Variants in KLC1 observed in about 807,000 individuals in gnomAD.
KLC1 encodes the protein kinesin light chain 1.
Under a neutral mutation model 84.2 loss-of-function variants are expected in KLC1, and 30 were observed. That is an observed-to-expected ratio of 0.36 (90% CI 0.27 to 0.48). The LOEUF is 0.48. Ranked by LOEUF, KLC1 falls within the 20% of genes least tolerant of loss-of-function variation. The pLI is 0.99. For missense variants in KLC1, 499 were observed against 805.4 expected (o/e 0.62, Z 4.60); for synonymous variants, 289 against 293.3 (o/e 0.99, Z 0.15).
chr14:103,685,868 T>C, intron 13 of KLC1: 3 of 1,157,212 alleles, frequency 2.6e-6, no homozygotes, highest in Non-Finnish European at 3.2e-6. Flanking sequence ...TAATATAAAC[T>C]GTATTAATAA....
chr14:103,700,576 G>C (rs535130609), intron 15 of KLC1, 79 bp from the exon 16 acceptor site: 21 of 1,153,948 alleles, frequency 1.8e-5, no homozygotes, highest in Non-Finnish European at 2.5e-5. Context: ...CCACACGCTG[G>C]TGTCACGCCC....
chr14:103,643,928 A>G (rs1162422042), intron 1 of KLC1, among the ~76,000 whole-genome samples: 1 of 145,520 alleles, frequency 6.9e-6, no homozygotes, highest in Non-Finnish European at 1.5e-5. Context: ...TAAGAAACCT[A>G]AAGTTGGCTG....
intron 3 of KLC1, among the ~76,000 whole-genome samples, chr14:103,659,700 T>G (rs1294188664): frequency 6.6e-6 from 1 of 152,204 alleles, no homozygotes; most frequent in Non-Finnish European, 1.5e-5. Context: ...ATCCCCATCC[T>G]AAGACTACTG....
At chr14:103,662,324 G>C in intron 4 of KLC1, 130 bp downstream of exon 4, 3 of 767,710 alleles carry the variant, frequency 3.9e-6, no homozygotes, top group Non-Finnish European at 6.9e-6. Flanking sequence ...CCAGAGCGGG[G>C]TTGCCTTTGG....
At chr14:103,655,214 G>A (rs1184551155) in intron 2 of KLC1, among the ~76,000 whole-genome samples, 2 of 151,820 alleles carry the variant, frequency 1.3e-5, no homozygotes, top group African/African-American at 4.8e-5. Flanking sequence ...GTGACAGAGC[G>A]AGACTTTTTC....
intron 15 of KLC1, chr14:103,695,182 G>A (rs1205121092): frequency 1.1e-6 from 1 of 882,508 alleles, no homozygotes; most frequent in Non-Finnish European, 1.4e-6. Flanking sequence ...ATGGCTGGGT[G>A]CGGTGGTTCA....
intron 13 of KLC1, chr14:103,685,306 C>T: frequency 7.5e-7 from 1 of 1,327,352 alleles, no homozygotes; most frequent in Non-Finnish European, 9.7e-7. Context: ...GCATAATCTC[C>T]TTATATACAG....
At chr14:103,655,883 G>A (rs1358075183) in intron 2 of KLC1, among the ~76,000 whole-genome samples, 1 of 152,216 alleles carries the variant, frequency 6.6e-6, no homozygotes, top group East Asian at 1.9e-4. Context: ...AGTGGATACT[G>A]CTGTGTATCA....
In KLC1 at chr14:103,662,848, C is replaced by G. The variant is rs1326139146; in HGVS notation, c.718C>G (p.Leu240Val). Reference protein sequence around the residue: ...EVAVPLCKQALEDLEKTSGHD... With the variant: ...EVAVPLCKQAVEDLEKTSGHD... ...AGCTGTGCCCCTCTGCAAGCAGGCC[C>G]TGGAGGACCTGGAGAAGACTTCAGG... Residue 240 changes from leucine (L) to valine (V), a missense_variant, in exon 5 of 17, where the codon CTG becomes GTG. By Grantham distance (32) the Leu-to-Val change is conservative. Coordinates refer to ENST00000334553, the MANE Select transcript of KLC1 (RefSeq NM_001394837.1). 1.2e-6 allele frequency: 2 copies of G among 1,613,572 alleles called. No individual in the cohort carries two copies. The highest frequency in any genetic ancestry group is 1.7e-6 in the Non-Finnish European group (2 of 1,179,954).
intron 14 of KLC1, 147 bp downstream of exon 14, chr14:103,687,358 G>C: frequency 1.3e-6 from 1 of 785,458 alleles, no homozygotes; most frequent in African/African-American, 1.8e-5. Flanking sequence ...TTTCATAGTT[G>C]CCACGTAGGT....
chr14:103,689,185 C>G (rs2081952351), intron 14 of KLC1, among the ~76,000 whole-genome samples: 1 of 152,122 alleles, frequency 6.6e-6, no homozygotes, highest in Admixed American at 6.5e-5. Context: ...GGGGATCACA[C>G]TGATTGTTTG....
At chr14:103,698,899 T>G (rs2151903086) in intron 15 of KLC1, 1 of 1,602,534 alleles carries the variant, frequency 6.2e-7, no homozygotes, top group Non-Finnish European at 8.5e-7. Flanking sequence ...ACCCGCAGGG[T>G]CCGGGCTGGG....
chr14:103,632,877 CAG>C (rs1244282823), intron 1 of KLC1, among the ~76,000 whole-genome samples: 5 of 151,758 alleles, frequency 3.3e-5, no homozygotes, highest in Admixed American at 6.6e-5. Context: ...GTCAGGGGGT[CAG>C]GGGTGGGATT....
chr14:103,670,105 A>G (rs2080248566), intron 6 of KLC1, 77 bp from the exon 7 acceptor site: 1 of 982,074 alleles, frequency 1.0e-6, no homozygotes, highest in African/African-American at 1.7e-5. Flanking sequence ...ATTGAATATA[A>G]ATGAATATGT....
intron 1 of KLC1, among the ~76,000 whole-genome samples, chr14:103,650,820 C>T (rs1003575507): frequency 2.0e-5 from 3 of 151,880 alleles, no homozygotes; most frequent in Non-Finnish European, 2.9e-5. Context: ...CCTAAGTGAT[C>T]TGCTTACCTG....
chr14:103,669,451 A>AGAAAAGAAAT, intron 5 of KLC1, 60 bp from the exon 6 acceptor site: 1 of 1,040,778 alleles, frequency 9.6e-7, no homozygotes, highest in Non-Finnish European at 1.5e-6. Context: ...AGAAAAGAAA[A>AGAAAAGAAAT]GAAAAGAAAA....
At chr14:103,699,368 T>C (rs2082903919) in intron 15 of KLC1, 19 of 1,605,644 alleles carry the variant, frequency 1.2e-5, no homozygotes, top group East Asian at 2.2e-5. Context: ...GCTCACCTGG[T>C]TGATGCACAG....
intron 1 of KLC1, among the ~76,000 whole-genome samples, chr14:103,637,298 G>A (rs12880671): frequency 2.0e-5 from 3 of 151,884 alleles, no homozygotes; most frequent in Non-Finnish European, 2.9e-5. Context: ...TTCGGAGGCC[G>A]AGGCGGGTGG....
At chr14:103,631,893 C>T (rs1358502658) in intron 1 of KLC1, among the ~76,000 whole-genome samples, 1 of 152,106 alleles carries the variant, frequency 6.6e-6, no homozygotes, top group Non-Finnish European at 1.5e-5. Flanking sequence ...GCCATTGCAC[C>T]TGGGCTGAAA....
Sources: gnomAD v4.1 joint callset for allele counts (sites outside exome capture counted in the v4.1 genomes callset) on GRCh38, gnomAD v4.1.1 for gene constraint, MANE v1.5 for transcripts, NCBI Gene and HGNC (gene_info 2026-07-23, HGNC 2026-07-21) for gene names.